The following TTN variants were observed in gnomAD, a reference collection of about 807,000 sequenced individuals.
TTN encodes connectin.
In TTN, 1,525 loss-of-function variants were observed where a neutral mutation model predicts 3,223.0. The observed-to-expected ratio is 0.47, with a 90% CI of 0.45 to 0.49. The LOEUF is 0.49. Ranked by LOEUF, TTN falls within the 20% of genes least tolerant of loss-of-function variation. The pLI is 0.00. For synonymous variants in TTN, 14,094 were observed against 15,161.0 expected, an observed-to-expected ratio of 0.93 and a Z score of 5.17; for missense variants, 40,786 against 43,424.0, an observed-to-expected ratio of 0.94 and a Z score of 5.40.
chr2:178,598,851 A>G lies in TTN; in HGVS notation c.56859T>C (p.Leu18953=). ...TLGVSYKVTG[L]IEGSDYQFRV... ...GGAATTGATAGTCGGAACCTTCAATAAGACCAGTCACTTTATAAGAAACAC... is the reference window on the plus strand; with the variant it reads ...GGAATTGATAGTCGGAACCTTCAATGAGACCAGTCACTTTATAAGAAACAC... Residue 18953 remains leucine, a synonymous_variant, in exon 291 of 363, where the codon CTT becomes CTC. Coordinates refer to ENST00000589042, the MANE Select transcript of TTN (RefSeq NM_001267550.2). 1 of 1,613,386 alleles carries G rather than the reference A, an allele frequency of 6.2e-7. No individual in the cohort carries two copies. Among genetic ancestry groups the G allele is most frequent in the Non-Finnish European group, 8.5e-7 (1 of 1,179,534 alleles).
In TTN at chr2:178,775,598, A is replaced by G. The variant is rs1436344691; in HGVS notation, c.6266T>C (p.Val2089Ala). 3 of 1,614,006 alleles carry G rather than the reference A, an allele frequency of 1.9e-6. No individual in the cohort carries two copies. The highest frequency in any genetic ancestry group is 2.5e-6 in the Non-Finnish European group (3 of 1,180,010). ...GAAGTGTGCATCAGATCCTTGGCCCACTGTTTGGCTCTGGATTCTTTCGAA... is the reference window on the plus strand; with the variant it reads ...GAAGTGTGCATCAGATCCTTGGCCCGCTGTTTGGCTCTGGATTCTTTCGAA... The part of the protein sequence containing the change: ...KIFERIQSQT[V>A]GQGSDAHFRV... Residue 2089 changes from valine to alanine, a missense_variant, in exon 28 of 363, where the codon GTG (valine) becomes GCG (alanine). Physicochemically the swap from Val to Ala is moderately conservative, Grantham distance 64. Coordinates refer to ENST00000589042, the MANE Select transcript of TTN (RefSeq NM_001267550.2).
chr2:178,584,259 A>G lies in TTN; in HGVS notation c.65275+17T>C, dbSNP rs1006766973. 1 of 1,532,530 alleles carries G rather than the reference A, an allele frequency of 6.5e-7. No individual in the cohort carries two copies. The highest frequency in any genetic ancestry group is 8.7e-7 in the Non-Finnish European group (1 of 1,143,384). The allele number at this position is 1,532,530 out of a possible 1,614,324, so 94.9% of individuals were successfully genotyped here. ...ATACTAAAACAACAACAACAATAAA[A>G]AAACCCCAAAACTTACCAACTGGCA... On this transcript the variant is annotated intron_variant, in intron 311 of 362. Transcript: ENST00000589042.
At position 178,773,916 on chromosome 2, in the gene TTN, T is replaced by C; in HGVS notation, c.7252A>G (p.Thr2418Ala). The C allele has an allele frequency of 6.2e-7, 1 of 1,614,084 alleles. No individual in the cohort carries two copies. The highest frequency in any genetic ancestry group is 8.5e-7 in the Non-Finnish European group (1 of 1,179,984). The stretch of plus-strand genomic sequence containing the variant: ...GAGTAATTTCCAGCATCTTCCTTAG[T>C]CATGTCTTCAATGAGCAGCATATGA... ...QSHMLLIEDMTKEDAGNYSFT... is the reference protein window; with the variant it reads ...QSHMLLIEDMAKEDAGNYSFT... Residue 2418 changes from threonine (T) to alanine (A), a missense_variant, in exon 31 of 363, where the codon ACT (threonine) becomes GCT (alanine). By Grantham distance (58) the Thr-to-Ala change is moderately conservative. Coordinates refer to ENST00000589042, the MANE Select transcript of TTN (RefSeq NM_001267550.2).
chr2:178,692,686 G>T, intron 119 of TTN, 106 bp from the exon 120 acceptor site: 2 of 792,852 alleles, frequency 2.5e-6, no homozygotes, highest in Non-Finnish European at 3.8e-6. Context: ...CCAACTGAAT[G>T]CAAGAAAATT....
intron 106 of TTN, among the ~76,000 whole-genome samples, chr2:178,703,195 G>A (rs2075297596): frequency 6.6e-6 from 1 of 152,102 alleles, no homozygotes; most frequent in South Asian, 2.1e-4. Context: ...GTACATATGG[G>A]CACAAACAAA....
chr2:178,734,357 C>T lies in TTN; in HGVS notation c.15467G>A (p.Cys5156Tyr). 3 of 1,605,354 alleles carry T rather than the reference C, an allele frequency of 1.9e-6. No individual in the cohort carries two copies. The highest frequency in any genetic ancestry group is 1.1e-5 in the South Asian group (1 of 89,930). Reference protein sequence around the residue: ...ECVVANEVGKCGCMATHLLKE... With the variant: ...ECVVANEVGKYGCMATHLLKE... ...GAGTAAGTGGGTTGCCATGCAGCCA[C>T]ACTTGCCGACTTCATTAGCAACAAC... Residue 5156 changes from cysteine (C) to tyrosine (Y), a missense_variant, in exon 52 of 363, where the codon TGT (cysteine) becomes TAT (tyrosine). By Grantham distance (194) the Cys-to-Tyr change is radical. Transcript: ENST00000589042.
intron 218 of TTN, 154 bp downstream of exon 218, chr2:178,644,394 C>T (rs2061610369): frequency 3.6e-6 from 2 of 557,078 alleles, no homozygotes; most frequent in Non-Finnish European, 6.1e-6. Context: ...CACTCATGAG[C>T]CAGGACCATA....
chr2:178,660,614 A>G (rs2064517038), intron 180 of TTN, among the ~76,000 whole-genome samples: 1 of 149,960 alleles, frequency 6.7e-6, no homozygotes, highest in Admixed American at 6.6e-5. Flanking sequence ...GGACATAGGC[A>G]TGGGCAAGGA....
At position 178,710,006 on chromosome 2, in the gene TTN, C is replaced by T. The variant is rs528017922; in HGVS notation, c.28463-150G>A. 3.7e-6 allele frequency: 3 copies of T among 808,710 alleles called. No homozygotes were observed. In the African/African-American group the frequency reaches 5.2e-5, roughly 14 times the overall value. 50.1% of individuals were successfully genotyped at this position (808,710 alleles called of 1,614,324 possible). ...TATCAGAATATGTTCCTAAACATTT[C>T]AGCCTCCTTCTACGAGCTTATTCTA... is the stretch of plus-strand genomic sequence containing the variant. On this transcript the variant is annotated intron_variant, in intron 98 of 362. Transcript: ENST00000589042.
chr2:178,611,289 A>AAAG lies in TTN; in HGVS notation c.50858-21_50858-19dup, dbSNP rs2056270640. 6.2e-7 allele frequency: 1 copy of AAAG among 1,610,832 alleles called. No homozygotes were observed. The highest frequency in any genetic ancestry group is 1.7e-5 in the Admixed American group (1 of 59,466). Reference sequence around the variant, plus strand: ...TGGCTTGCCTGTAAGATATCATTCAAAAGAGCAAAAAACAGAGTATGTCAA... The same window carrying AAAG: ...TGGCTTGCCTGTAAGATATCATTCAAAAGAAGAGCAAAAAACAGAGTATGTCAA... On this transcript the variant is annotated intron_variant, in intron 269 of 362. Coordinates refer to ENST00000589042, the MANE Select transcript of TTN (RefSeq NM_001267550.2).
chr2:178,667,726 A>C lies in TTN; in HGVS notation c.35546-5T>G. The C allele has an allele frequency of 6.4e-7, 1 of 1,558,056 alleles. No individual in the cohort carries two copies. Among genetic ancestry groups the C allele is most frequent in the Non-Finnish European group, 8.7e-7 (1 of 1,149,676 alleles). On this transcript the variant is annotated splice_polypyrimidine_tract_variant and splice_region_variant and intron_variant, in intron 159 of 362. Transcript: ENST00000589042. ...CTTCTTCAGATGCTTCATAAACTTT[A>C]AAGATATTAGTATTTAAATAATTAG...
At position 178,539,727 on chromosome 2, in the gene TTN, T is replaced by C. The variant is rs755409666; in HGVS notation, c.98338A>G (p.Lys32780Glu). 3.1e-6 allele frequency: 5 copies of C among 1,613,808 alleles called. No homozygotes were observed. Among genetic ancestry groups the C allele is most frequent in the Non-Finnish European group, 4.2e-6 (5 of 1,179,792 alleles). Residue 32780 changes from lysine to glutamate, a missense_variant, in exon 352 of 363, where the codon AAA becomes GAA. Coordinates refer to ENST00000589042, the MANE Select transcript of TTN (RefSeq NM_001267550.2). ...SGTYDLVLEN[K>E]CGKKAVYIKV... The stretch of plus-strand genomic sequence containing the variant: ...ATGTAGACAGCCTTCTTGCCACATT[T>C]ATTTTCCAGAACCAGGTCATAAGTG...
rs1039225113 is a variant in TTN at position 178,552,207 on chromosome 2, G to T, written c.90693C>A (p.Pro30231=). The T allele has an allele frequency of 6.2e-7, 1 of 1,613,322 alleles. No individual in the cohort carries two copies. The highest frequency in any genetic ancestry group is 1.3e-5 in the African/African-American group (1 of 74,892). Residue 30231 remains proline, a synonymous_variant, in exon 335 of 363, where the codon CCC becomes CCA. Transcript: ENST00000589042. ...CAGCCTTGATTTCATCAAATCGAAT[G>T]GGTCCTTTGGGCTTTGATGGTGGGC... ...TLGPPSKPKG[P]IRFDEIKADS...
chr2:178,568,302 T>C lies in TTN; in HGVS notation c.77830A>G (p.Thr25944Ala). ...ACTTTGAGTGTAGTTCTAGCAACAG[T>C]AGCAGAAACAACATCCCATACTGTG... ...TTTVWDVVSA[T>A]VARTTLKVTK... Residue 25944 changes from threonine to alanine, a missense_variant, in exon 326 of 363, where the codon ACT becomes GCT. Physicochemically the swap from Thr to Ala is moderately conservative, Grantham distance 58 (BLOSUM62 0). Coordinates refer to ENST00000589042, the MANE Select transcript of TTN (RefSeq NM_001267550.2). The C allele has an allele frequency of 6.2e-7, 1 of 1,613,502 alleles. No individual in the cohort carries two copies. Among genetic ancestry groups the C allele is most frequent in the Admixed American group, 1.7e-5 (1 of 59,966 alleles).
At chr2:178,774,496 A>T (rs769817098) in intron 29 of TTN, 23 bp from the exon 30 acceptor site, 38 of 1,608,194 alleles carry the variant, frequency 2.4e-5, no homozygotes, top group Non-Finnish European at 3.1e-5. Flanking sequence ...ACAGAAAGAT[A>T]AATCAATTTT....
Position 178,534,255 on chromosome 2 carries a change from C to T in TTN, c.102360G>A (p.Gln34120=), listed in dbSNP as rs1463707639. 1.2e-6 allele frequency: 2 copies of T among 1,613,988 alleles called. No homozygotes were observed. Among genetic ancestry groups the T allele is most frequent in the Non-Finnish European group, 1.7e-6 (2 of 1,179,866 alleles). The change falls in exon 358 of 363, where the codon CAG becomes CAA. Residue 34120 remains glutamine (Q), a synonymous_variant. Coordinates refer to ENST00000589042, the MANE Select transcript of TTN (RefSeq NM_001267550.2). ...RISCGGAIRS[Q]KGVSVAKVKV... ...TAACTTTAGCAACACTCACTCCCTT[C>T]TGAGATCGAATTGCACCACCACAGG...
At position 178,532,760 on chromosome 2, in the gene TTN, A is replaced by G; in HGVS notation, c.103855T>C (p.Trp34619Arg). ...PRITDQYRPK[W>R]RIPKLSQDDL... Reference sequence around the variant, plus strand: ...TCTTGGGACAGTTTAGGAATACGCCATTTAGGTCTGTATTGATCTGTAATG... The same window carrying G: ...TCTTGGGACAGTTTAGGAATACGCCGTTTAGGTCTGTATTGATCTGTAATG... The change falls in exon 358 of 363, where the codon TGG becomes CGG. Residue 34619 changes from tryptophan (W) to arginine (R), a missense_variant. Transcript: ENST00000589042. 1 of 1,613,954 alleles carries G rather than the reference A, an allele frequency of 6.2e-7. No homozygotes were observed. The highest frequency in any genetic ancestry group is 8.5e-7 in the Non-Finnish European group (1 of 1,179,864).
Position 178,734,729 on chromosome 2 carries a change from G to A in TTN, c.15195C>T (p.Cys5065=), listed in dbSNP as rs2081143722. The A allele has an allele frequency of 6.2e-7, 1 of 1,612,338 alleles. No homozygotes were observed. Among genetic ancestry groups the A allele is most frequent in the South Asian group, 1.1e-5 (1 of 90,966 alleles). ...EAVNDVGSDS[C]STEIVIKEPP... ...AACCTTTGATAACTATTTCAGTACT[G>A]CAGCTATCACTGCCGACGTCATTCA... Residue 5065 remains cysteine, a synonymous_variant, in exon 51 of 363, where the codon TGC becomes TGT. Transcript: ENST00000589042.
At chr2:178,706,170 T>C (rs939462201) in intron 102 of TTN, among the ~76,000 whole-genome samples, 3 of 152,206 alleles carry the variant, frequency 2.0e-5, no homozygotes, top group Non-Finnish European at 4.4e-5. Context: ...GCCTGGGAGA[T>C]TGGCTTCAGG....
Sources: gnomAD v4.1 joint callset for allele counts (sites outside exome capture counted in the v4.1 genomes callset) on GRCh38, gnomAD v4.1.1 for gene constraint, MANE v1.5 for transcripts, NCBI Gene and HGNC (gene_info 2026-07-23, HGNC 2026-07-21) for gene names.